Variants in FAT3 observed in about 807,000 individuals in gnomAD.
FAT3 encodes FAT atypical cadherin 3, also known as protocadherin Fat 3.
FAT3 carries 95 observed loss-of-function variants against 310.2 expected under a neutral mutation model. The ratio of observed to expected loss-of-function variants is 0.31; its 90% CI spans 0.26 to 0.36. The LOEUF is 0.36. Among genes scored for constraint, FAT3 ranks in the 10% least tolerant of loss-of-function variants. FAT3 has a pLI of 1.00. For synonymous variants in FAT3, 2,314 were observed against 2,192.9 expected, an observed-to-expected ratio of 1.06 and a Z score of -1.54; for missense variants, 5,408 against 5,715.6, an observed-to-expected ratio of 0.95 and a Z score of 1.74.
intron 1 of FAT3, among the ~76,000 whole-genome samples, chr11:92,229,092 A>G (rs1864038997): frequency 6.6e-6 from 1 of 152,226 alleles, no homozygotes; most frequent in Non-Finnish European, 1.5e-5. Context: ...GTTCTGCCCA[A>G]TTCCTTCCTA....
At chr11:92,244,396 A>G (rs541440436) in intron 1 of FAT3, among the ~76,000 whole-genome samples, 2 of 152,262 alleles carry the variant, frequency 1.3e-5, no homozygotes, top group South Asian at 2.1e-4. Context: ...TGCACGAGAC[A>G]TATTTTATCT....
intron 3 of FAT3, among the ~76,000 whole-genome samples, chr11:92,625,122 C>T (rs1792339): frequency 0.015 from 2,228 of 152,136 alleles, 40 homozygotes; most frequent in African/African-American, 0.049. Context: ...ACAGAGAACA[C>T]GAGAAAAGGA....
chr11:92,479,456 A>C (rs1952156657), intron 2 of FAT3, among the ~76,000 whole-genome samples: 1 of 152,162 alleles, frequency 6.6e-6, no homozygotes, highest in Admixed American at 6.5e-5. Context: ...AGTATTTGTA[A>C]GTATTTACTA....
At chr11:92,784,324 C>T (rs1315266585) in intron 7 of FAT3, among the ~76,000 whole-genome samples, 1 of 152,208 alleles carries the variant, frequency 6.6e-6, no homozygotes. Context: ...GGGGCTTCAC[C>T]CTTGAAATCA....
chr11:92,261,089 A>T (rs934365941), intron 1 of FAT3, among the ~76,000 whole-genome samples: 6 of 152,084 alleles, frequency 3.9e-5, no homozygotes, highest in African/African-American at 7.2e-5. Context: ...ACAATGTACT[A>T]CTTCAGATGA....
chr11:92,885,956 C>G (rs1405273080), intron 24 of FAT3, among the ~76,000 whole-genome samples: 2 of 152,188 alleles, frequency 1.3e-5, no homozygotes, highest in Admixed American at 1.3e-4. Flanking sequence ...CATGCCTGTT[C>G]CTGACACCAC....
In FAT3 at chr11:92,658,869, A is replaced by C. The variant is rs191689488; in HGVS notation, c.3608-38515A>C. Among the ~76,000 whole-genome samples the C allele has an allele frequency of 1.1e-3, 161 of 152,172 alleles. 1 individual carries two copies. Among genetic ancestry groups the C allele is most frequent in the African/African-American group, 3.8e-3 (157 of 41,514 alleles). ...TGAGCTGTCAGTGCCTTATGGATAA[A>C]GGGTGTAAAAAATGGTTGTCCTCAA... On this transcript the variant is annotated intron_variant, in intron 3 of 27. Transcript: ENST00000525166.
Position 92,471,390 on chromosome 11 carries a change from G to A in FAT3, c.3293-53244G>A, listed in dbSNP as rs542917080. On this transcript the variant is annotated intron_variant, in intron 2 of 27. Coordinates refer to ENST00000525166, the MANE Select transcript of FAT3 (RefSeq NM_001367949.2). ...AAGCAAATAGCTTAACAGAAAAATG[G>A]CAAATGTCTTAACTAAGCATTTTAC... Among the ~76,000 whole-genome samples, 3 of 152,158 alleles carry A rather than the reference G, an allele frequency of 2.0e-5. No homozygotes were observed. In the East Asian group the frequency reaches 5.8e-4, roughly 29 times the overall value.
At chr11:92,395,467 G>A (rs557410339) in intron 2 of FAT3, among the ~76,000 whole-genome samples, 1 of 152,042 alleles carries the variant, frequency 6.6e-6, no homozygotes, top group Non-Finnish European at 1.5e-5. Flanking sequence ...CATGCCTGTC[G>A]AGAGTTCAGC....
At chr11:92,551,460 A>T (rs72974450) in intron 3 of FAT3, among the ~76,000 whole-genome samples, 4 of 81,616 alleles carry the variant, frequency 4.9e-5, no homozygotes, top group African/African-American at 1.6e-4. Context: ...TCATCAATAA[A>T]CTTTTCTTCA....
rs1057453665 is a variant in FAT3 at position 92,524,651 on chromosome 11, G to T, written c.3310G>T (p.Asp1104Tyr). The T allele has an allele frequency of 2.5e-6, 4 of 1,613,104 alleles. No individual in the cohort carries two copies. The highest frequency in any genetic ancestry group is 3.4e-6 in the Non-Finnish European group (4 of 1,179,244). ...TGTCTCAGGGGTCATCACTGCCGCA[G>T]ACATTCTTGATCGGGAGACAATGGG... ...DDESGVITAA[D>Y]ILDRETMGSY... The change falls in exon 3 of 28, where the codon GAC (aspartate) becomes TAC (tyrosine). Residue 1104 changes from aspartate to tyrosine, a missense_variant. Coordinates refer to ENST00000525166, the MANE Select transcript of FAT3 (RefSeq NM_001367949.2).
At position 92,714,335 on chromosome 11, in the gene FAT3, C is replaced by G. The variant is rs575194494; in HGVS notation, c.3669+16890C>G. On this transcript the variant is annotated intron_variant, in intron 4 of 27. Transcript: ENST00000525166. The stretch of plus-strand genomic sequence containing the variant: ...GTGCAATGACCCATGTAAGATAATC[C>G]TCCACTCCAGTAGCACATTTTTGGA... Among the ~76,000 whole-genome samples the G allele has an allele frequency of 1.6e-4, 25 of 152,124 alleles. 1 individual carries two copies. Among genetic ancestry groups the G allele is most frequent in the Admixed American group, 5.2e-4 (8 of 15,282 alleles).
chr11:92,806,855 G>A (rs1278401621), intron 12 of FAT3, among the ~76,000 whole-genome samples: 3 of 152,108 alleles, frequency 2.0e-5, no homozygotes. Context: ...TGATTTTTAG[G>A]GGAAATGAAT....
At position 92,641,481 on chromosome 11, in the gene FAT3, G is replaced by A. The variant is rs576067353; in HGVS notation, c.3608-55903G>A. Among the ~76,000 whole-genome samples, 4 of 152,214 alleles carry A rather than the reference G, an allele frequency of 2.6e-5. No homozygotes were observed. In the South Asian group the frequency reaches 6.2e-4, roughly 24 times the overall value. On this transcript the variant is annotated intron_variant, in intron 3 of 27. Coordinates refer to ENST00000525166, the MANE Select transcript of FAT3 (RefSeq NM_001367949.2). ...GCCATGCCCTCTCTGAAGGCTCTAG[G>A]GAAGCATTCTTCCCTGCTTCCTCCA...
intron 13 of FAT3, among the ~76,000 whole-genome samples, chr11:92,813,755 C>G (rs1038067803): frequency 3.3e-5 from 5 of 152,162 alleles, no homozygotes; most frequent in African/African-American, 1.2e-4. Context: ...GGTTTTTGAT[C>G]CTGCTGAAGA....
chr11:92,547,180 C>T (rs1440262092), intron 3 of FAT3, among the ~76,000 whole-genome samples: 2 of 152,086 alleles, frequency 1.3e-5, no homozygotes, highest in African/African-American at 4.8e-5. Context: ...TAAAGGTGGC[C>T]AAATAGCCAG....
chr11:92,515,408 G>A (rs1052185178), intron 2 of FAT3, among the ~76,000 whole-genome samples: 12 of 151,824 alleles, frequency 7.9e-5, no homozygotes, highest in Non-Finnish European at 1.6e-4. Context: ...TTCTACATTC[G>A]GTATGGAAAA....
At position 92,831,669 on chromosome 11, in the gene FAT3, G is replaced by A; in HGVS notation, c.9529G>A (p.Val3177Ile). 16 of 1,613,394 alleles carry A rather than the reference G, an allele frequency of 9.9e-6. No individual in the cohort carries two copies. Among genetic ancestry groups the A allele is most frequent in the Non-Finnish European group, 1.4e-5 (16 of 1,179,764 alleles). ...CTCCCTGGCAGACTCAGCTGGTGGG[G>A]TCTTCTCCATTGACAGCTCATCTGG... is the stretch of plus-strand genomic sequence containing the variant. The part of the protein sequence containing the change: ...VYSLADSAGG[V>I]FSIDSSSGII... Residue 3177 changes from valine (V) to isoleucine (I), a missense_variant, in exon 14 of 28, where the codon GTC becomes ATC. Physicochemically the swap from Val to Ile is conservative, Grantham distance 29. Around this residue, in one of 5 missense-constraint regions of FAT3, gnomAD observed 4,588 missense variants for 4,809.8 expected, o/e 0.95. Coordinates refer to ENST00000525166, the MANE Select transcript of FAT3 (RefSeq NM_001367949.2).
chr11:92,516,956 A>G (rs1379200559), intron 2 of FAT3, among the ~76,000 whole-genome samples: 1 of 152,194 alleles, frequency 6.6e-6, no homozygotes, highest in Non-Finnish European at 1.5e-5. Flanking sequence ...GGAGAAGTAC[A>G]CACCACTGCC....
Sources: gnomAD v4.1 joint callset for allele counts (sites outside exome capture counted in the v4.1 genomes callset) on GRCh38, gnomAD v4.1.1 for gene constraint, gnomAD v4.1.1 regional missense constraint, MANE v1.5 for transcripts, NCBI Gene and HGNC (gene_info 2026-07-23, HGNC 2026-07-21) for gene names.